The following SPDEF variants were observed in gnomAD, a reference collection of about 807,000 sequenced individuals.
SPDEF encodes SAM pointed domain-containing Ets transcription factor.
Under a neutral mutation model 36.0 loss-of-function variants are expected in SPDEF, and 12 were observed. The ratio of observed to expected loss-of-function variants is 0.33; its 90% CI spans 0.21 to 0.54. The LOEUF is 0.54. Among genes scored for constraint, SPDEF ranks in the 20% least tolerant of loss-of-function variants. SPDEF has a pLI of 0.93. For synonymous variants in SPDEF, 205 were observed against 193.0 expected (o/e 1.06, Z -0.51); for missense variants, 388 against 456.9 (o/e 0.85, Z 1.37).
In SPDEF at chr6:34,544,622, C is replaced by T; in HGVS notation, c.-29-138G>A. The T allele has an allele frequency of 4.7e-6, 3 of 643,444 alleles. No individual in the cohort carries two copies. The highest frequency in any genetic ancestry group is 7.5e-6 in the Non-Finnish European group (3 of 401,936). The allele number at this position is 643,444 out of a possible 1,614,324, so 39.9% of individuals were successfully genotyped here. A position where few individuals can be genotyped will look rare whatever the true frequency, so the allele number is the denominator to read the frequency against. ...AGTTGGGGGCTTCCGGGTCATTGGG[C>T]AGCCACGACATGGTTGGGCAGACAG... On this transcript the variant is annotated intron_variant, in intron 1 of 5. Transcript: ENST00000374037. The surrounding 1 kb of genome is among the most constrained non-coding windows in gnomAD (Gnocchi z 4.4).
Position 34,554,077 on chromosome 6 carries a change from T to C in SPDEF, c.-30+1852A>G, listed in dbSNP as rs141316242. 3.3e-5 allele frequency among the ~76,000 whole-genome samples: 5 copies of C among 152,254 alleles called. No homozygotes were observed. The East Asian group carries it at 9.6e-4, about 29-fold the overall frequency. On this transcript the variant is annotated intron_variant, in intron 1 of 5. Coordinates refer to ENST00000374037, the MANE Select transcript of SPDEF (RefSeq NM_012391.3). ...TGTTTCACAGACAAGGTGTTGCAAG[T>C]ACAGTGAGGAAAAGTGACCCGCCCA...
At chr6:34,542,976 G>A (rs1235378856) in intron 2 of SPDEF, among the ~76,000 whole-genome samples, 1 of 150,628 alleles carries the variant, frequency 6.6e-6, no homozygotes, top group African/African-American at 2.4e-5. Context: ...GGCAGATCAC[G>A]AGGTCAGGAG....
rs911918193 is a variant in SPDEF, at chr6:34,555,613, C to T, written c.-30+316G>A. Among the ~76,000 whole-genome samples, 5 of 152,118 alleles carry T rather than the reference C, an allele frequency of 3.3e-5. No homozygotes were observed. Among genetic ancestry groups the T allele is most frequent in the South Asian group, 2.1e-4 (1 of 4,826 alleles). ...GCAGAACTGGCTGGGTCTCAGGGGC[C>T]GGGGCTCTGCATCTGCACGGCGGCC... On this transcript the variant is annotated intron_variant, in intron 1 of 5. Coordinates refer to ENST00000374037, the MANE Select transcript of SPDEF (RefSeq NM_012391.3). The surrounding 1 kb of genome is among the most constrained non-coding windows in gnomAD (Gnocchi z 5.2).
At chr6:34,545,471 G>A (rs988530796) in intron 1 of SPDEF, among the ~76,000 whole-genome samples, 2 of 152,246 alleles carry the variant, frequency 1.3e-5, no homozygotes, top group Non-Finnish European at 2.9e-5. Context: ...GGGCCGCCCC[G>A]GCTTGGTTTT....
In SPDEF at chr6:34,539,339, T is replaced by G; in HGVS notation, c.740A>C (p.Gln247Pro). ...GAGGAACTGCCACAGGTGGATGGGC[T>G]GCCCGGAGCATGATGAGTCCACCTC... is the stretch of plus-strand genomic sequence containing the variant. ...DSEVDSSCSG[Q>P]PIHLWQFLKE... The change falls in exon 5 of 6, where the codon CAG becomes CCG. Residue 247 changes from glutamine to proline, a missense_variant. Coordinates refer to ENST00000374037, the MANE Select transcript of SPDEF (RefSeq NM_012391.3). The surrounding 1 kb of genome is among the most constrained non-coding windows in gnomAD (Gnocchi z 5.2). 1.2e-6 allele frequency: 2 copies of G among 1,613,948 alleles called. No homozygotes were observed. The highest frequency in any genetic ancestry group is 2.2e-5 in the South Asian group (2 of 91,090).
Position 34,544,182 on chromosome 6 carries a change from G to C in SPDEF, c.274C>G (p.Gln92Glu). 1 of 1,613,870 alleles carries C rather than the reference G, an allele frequency of 6.2e-7. No individual in the cohort carries two copies. Residue 92 changes from glutamine (Q) to glutamate (E), a missense_variant, in exon 2 of 6, where the codon CAG (glutamine) becomes GAG (glutamate). Coordinates refer to ENST00000374037, the MANE Select transcript of SPDEF (RefSeq NM_012391.3). This position sits in a 1 kb window ranked among gnomAD's most constrained non-coding sequence, Gnocchi z 4.4. ...SREEPPEEPE[Q>E]CPVIDSQAPA... is the part of the protein sequence containing the mutation. ...GCTTGGCTGTCAATGACCGGGCACT[G>C]CTCAGGCTCCTCAGGTGGCTCCTCC...
chr6:34,545,835 G>A (rs1767941599), intron 1 of SPDEF, among the ~76,000 whole-genome samples: 1 of 151,964 alleles, frequency 6.6e-6, no homozygotes, highest in Admixed American at 6.6e-5. Context: ...AGAATCACTT[G>A]AACCCAGGAG....
rs1013198526 is a variant in SPDEF, at chr6:34,538,184, G to GC, written c.*89dup. On this transcript the variant is annotated 3_prime_UTR_variant, in exon 6 of 6. Transcript: ENST00000374037. This position sits in a 1 kb window ranked among gnomAD's most constrained non-coding sequence, Gnocchi z 5.9. ...GAAGGTCAGAGCAGCAGAGCAGACT[G>GC]CCCGTTTTCCCCCATCTCAGGGCCT... The GC allele has an allele frequency of 1.1e-5, 16 of 1,399,264 alleles. No homozygotes were observed. The Admixed American group carries it at 3.1e-4, about 27-fold the overall frequency. The allele number at this position is 1,399,264 out of a possible 1,614,324, so 86.7% of individuals were successfully genotyped here.
rs569169608 is a variant in SPDEF, at chr6:34,553,121, C to A, written c.-30+2808G>T. The stretch of plus-strand genomic sequence containing the variant: ...TGGGGAGGTCCCGGTCCCATCCGAC[C>A]CCCAGCAGAGTCACACTAAGGTCCC... On this transcript the variant is annotated intron_variant, in intron 1 of 5. Coordinates refer to ENST00000374037, the MANE Select transcript of SPDEF (RefSeq NM_012391.3). Among the ~76,000 whole-genome samples the A allele has an allele frequency of 3.3e-5, 5 of 152,194 alleles. No homozygotes were observed. In the East Asian group the frequency reaches 9.7e-4, roughly 29 times the overall value.
Position 34,538,494 on chromosome 6 carries a change from G to A in SPDEF, c.830-42C>T. 1 of 1,566,392 alleles carries A rather than the reference G, an allele frequency of 6.4e-7. No individual in the cohort carries two copies. The highest frequency in any genetic ancestry group is 8.7e-7 in the Non-Finnish European group (1 of 1,152,526). ...CCGAGAGAGCCAGTGGTATGAGTGA[G>A]GTGGCAAGAAGGAGAAAGACGCAGA... On this transcript the variant is annotated intron_variant, in intron 5 of 5. Coordinates refer to ENST00000374037, the MANE Select transcript of SPDEF (RefSeq NM_012391.3). This position sits in a 1 kb window ranked among gnomAD's most constrained non-coding sequence, Gnocchi z 5.9.
chr6:34,542,945 G>A (rs1767855559), intron 2 of SPDEF, among the ~76,000 whole-genome samples: 1 of 149,064 alleles, frequency 6.7e-6, no homozygotes, highest in East Asian at 2.0e-4. Context: ...AGTAATCCCA[G>A]CACTTTGGGA....
chr6:34,541,953 C>G (rs1403953751), intron 2 of SPDEF, among the ~76,000 whole-genome samples: 1 of 152,222 alleles, frequency 6.6e-6, no homozygotes, highest in African/African-American at 2.4e-5. Flanking sequence ...AGTGTCCCAG[C>G]TGGGTGACCT....
chr6:34,543,195 C>CAAAA (rs56021909), intron 2 of SPDEF, among the ~76,000 whole-genome samples: 36 of 69,108 alleles, frequency 5.2e-4, no homozygotes, highest in East Asian at 1.6e-3. Flanking sequence ...GACTCCATCT[C>CAAAA]AAAAAAAAAA....
At chr6:34,554,103 C>T (rs549314485) in intron 1 of SPDEF, among the ~76,000 whole-genome samples, 4 of 152,330 alleles carry the variant, frequency 2.6e-5, no homozygotes, top group East Asian at 3.9e-4. Flanking sequence ...GACCCGCCCA[C>T]GGTCCCACAT....
At chr6:34,543,195 C>CAAAAAAAA (rs56021909) in intron 2 of SPDEF, among the ~76,000 whole-genome samples, 207 of 69,048 alleles carry the variant, frequency 3.0e-3, no homozygotes, top group East Asian at 4.9e-3. Context: ...GACTCCATCT[C>CAAAAAAAA]AAAAAAAAAA....
chr6:34,550,529 A>G (rs866242285), intron 1 of SPDEF, among the ~76,000 whole-genome samples: 1 of 152,208 alleles, frequency 6.6e-6, no homozygotes, highest in South Asian at 2.1e-4. Flanking sequence ...AGTGAGAGAG[A>G]TCTTGCTGTC....
At chr6:34,543,965 C>A (rs1767884290) in intron 2 of SPDEF, 55 bp downstream of exon 2, 80 of 1,566,078 alleles carry the variant, frequency 5.1e-5, no homozygotes, top group Admixed American at 8.1e-5. Context: ...ACCCCAGCGA[C>A]CTCAGCCTTG....
intron 1 of SPDEF, among the ~76,000 whole-genome samples, chr6:34,548,409 C>T (rs1767996703): frequency 6.6e-6 from 1 of 152,128 alleles, no homozygotes; most frequent in Admixed American, 6.5e-5. Flanking sequence ...TGTTCATATC[C>T]CTGCAGCACC....
At position 34,551,966 on chromosome 6, in the gene SPDEF, T is replaced by C. The variant is rs539687605; in HGVS notation, c.-30+3963A>G. 4.4e-4 allele frequency among the ~76,000 whole-genome samples: 67 copies of C among 152,296 alleles called. 1 individual carries two copies. In the South Asian group the frequency reaches 0.014, roughly 32 times the overall value. On this transcript the variant is annotated intron_variant, in intron 1 of 5. Coordinates refer to ENST00000374037, the MANE Select transcript of SPDEF (RefSeq NM_012391.3). ...GGCTTTCCAGAAATTGCCATTCACG[T>C]CTTCCTTCAGCCCTGGTTGAGCCCA...
Sources: gnomAD v4.1 joint callset for allele counts (sites outside exome capture counted in the v4.1 genomes callset) on GRCh38, gnomAD v4.1.1 for gene constraint, Gnocchi (gnomAD v3.1) non-coding constraint, MANE v1.5 for transcripts, NCBI Gene and HGNC (gene_info 2026-07-23, HGNC 2026-07-21) for gene names.